PRELID2: variants seen among roughly 807,000 people sequenced by gnomAD.
The protein encoded by PRELID2 is PRELI domain containing 2, also known as PRELI domain-containing protein 2.
PRELID2 carries 25 observed loss-of-function variants against 28.4 expected under a neutral mutation model. That is an observed-to-expected ratio of 0.88 (90% CI 0.64 to 1.23). The LOEUF is 1.23. Ranked by LOEUF, PRELID2 falls within the 50% of genes most tolerant of loss-of-function variation. PRELID2 has a pLI of 0.00. For synonymous variants in PRELID2, 76 were observed against 71.6 expected (o/e 1.06, Z -0.31); for missense variants, 201 against 214.4 (o/e 0.94, Z 0.39).
the PRELID2 span, among the ~76,000 whole-genome samples, chr5:145,284,522 A>T: frequency 6.6e-6 from 1 of 152,028 alleles, no homozygotes; most frequent in South Asian, 2.1e-4. Flanking sequence ...CTATTATTTT[A>T]TTTAAAGGAA....
At chr5:145,283,641 A>C in the PRELID2 span, among the ~76,000 whole-genome samples, 1 of 152,216 alleles carries the variant, frequency 6.6e-6, no homozygotes, top group Non-Finnish European at 1.5e-5. Context: ...AGCAAAACTT[A>C]GAACAGTACA....
chr5:145,291,880 C>T, the PRELID2 span, among the ~76,000 whole-genome samples: 1 of 152,178 alleles, frequency 6.6e-6, no homozygotes, highest in Non-Finnish European at 1.5e-5. Flanking sequence ...ACTGAAATGA[C>T]TATCCTTTCT....
chr5:145,679,171 C>G (rs1042207980), intron 1 of PRELID2, among the ~76,000 whole-genome samples: 3 of 152,160 alleles, frequency 2.0e-5, no homozygotes, highest in African/African-American at 7.2e-5. Flanking sequence ...GATTGAAACT[C>G]TCTATCTTTG....
At chr5:145,741,247 TAATA>T (rs1352229573) in intron 1 of PRELID2, among the ~76,000 whole-genome samples, 1 of 112,330 alleles carries the variant, frequency 8.9e-6, no homozygotes, top group Non-Finnish European at 1.6e-5. Context: ...TATAAATATA[TAATA>T]TATAAATAAT....
chr5:145,242,092 C>T, the PRELID2 span, among the ~76,000 whole-genome samples: 1 of 151,576 alleles, frequency 6.6e-6, no homozygotes, highest in Non-Finnish European at 1.5e-5. Context: ...GTTCATTTTG[C>T]AAAAAATATT....
At chr5:145,835,082 A>G in intron 1 of PRELID2, 95 bp downstream of exon 1, 1 of 828,516 alleles carries the variant, frequency 1.2e-6, no homozygotes. Flanking sequence ...GGAAAGAGAC[A>G]CTGGCGGTGC....
At chr5:145,706,926 C>T (rs771139317) in intron 1 of PRELID2, among the ~76,000 whole-genome samples, 2 of 152,152 alleles carry the variant, frequency 1.3e-5, no homozygotes, top group Middle Eastern at 3.2e-3. Context: ...TTCCTAGGAC[C>T]TTGCATGCAA....
chr5:145,775,707 T>C (rs1211753012), intron 5 of PRELID2, among the ~76,000 whole-genome samples: 4 of 152,218 alleles, frequency 2.6e-5, no homozygotes, highest in Admixed American at 2.6e-4. Context: ...AAAGTCATCA[T>C]TTCTTGGGGA....
chr5:145,496,454 C>T (rs1752310708), intron 1 of PRELID2, among the ~76,000 whole-genome samples: 1 of 152,100 alleles, frequency 6.6e-6, no homozygotes, highest in Non-Finnish European at 1.5e-5. Context: ...CCTGGGAAAT[C>T]CAATACTTGG....
At chr5:145,395,574 T>C in the PRELID2 span, among the ~76,000 whole-genome samples, 11 of 152,170 alleles carry the variant, frequency 7.2e-5, no homozygotes, top group Non-Finnish European at 1.6e-4. Context: ...AGCCACTCCA[T>C]TTGCTTTCTA....
At chr5:145,662,621 TATGGATTAATGGGTTA>T (rs1326781242) in intron 1 of PRELID2, among the ~76,000 whole-genome samples, 26 of 152,218 alleles carry the variant, frequency 1.7e-4, no homozygotes, top group African/African-American at 4.8e-4. Context: ...TTAATTCACT[TATGGATTAATGGGTTA>T]ATGGATTAAT....
chr5:145,246,206 C>T, the PRELID2 span, among the ~76,000 whole-genome samples: 22 of 152,018 alleles, frequency 1.4e-4, no homozygotes, highest in South Asian at 4.6e-3. Flanking sequence ...AGACAATAAC[C>T]CCTACCGCCA....
intron 1 of PRELID2, among the ~76,000 whole-genome samples, chr5:145,616,616 A>T (rs1455426503): frequency 6.6e-6 from 1 of 152,170 alleles, no homozygotes; most frequent in Non-Finnish European, 1.5e-5. Context: ...GATTTTCAAA[A>T]GGGGAGGGAG....
intron 1 of PRELID2, among the ~76,000 whole-genome samples, chr5:145,522,117 G>A (rs1752567493): frequency 6.6e-6 from 1 of 152,024 alleles, no homozygotes. Flanking sequence ...TGTCATATTT[G>A]CTTCAAGTTT....
the PRELID2 span, among the ~76,000 whole-genome samples, chr5:145,313,194 CAAATT>C: frequency 6.6e-6 from 1 of 152,018 alleles, no homozygotes; most frequent in Non-Finnish European, 1.5e-5. Flanking sequence ...TATAAGGTAA[CAAATT>C]AATGCAGTTA....
chr5:145,282,505 G>C, the PRELID2 span, among the ~76,000 whole-genome samples: 2 of 151,442 alleles, frequency 1.3e-5, no homozygotes, highest in African/African-American at 4.9e-5. Flanking sequence ...TGACTTCTGA[G>C]ACAGCTCTTC....
chr5:145,449,558 C>A, the PRELID2 span, among the ~76,000 whole-genome samples: 1 of 152,120 alleles, frequency 6.6e-6, no homozygotes, highest in South Asian at 2.1e-4. Context: ...ACGTGGTGGG[C>A]CAAAATGCAA....
chr5:145,538,638 T>C (rs914075913), intron 1 of PRELID2, among the ~76,000 whole-genome samples: 22 of 151,972 alleles, frequency 1.4e-4, no homozygotes, highest in African/African-American at 5.1e-4. Flanking sequence ...CTGTCTGCCA[T>C]CAGTCATGAG....
the PRELID2 span, among the ~76,000 whole-genome samples, chr5:145,422,837 T>A: frequency 6.6e-6 from 1 of 152,168 alleles, no homozygotes; most frequent in African/African-American, 2.4e-5. Flanking sequence ...GTCTCGATGG[T>A]CTTTACATTT....
Sources: allele counts gnomAD v4.1 joint callset (sites outside exome capture counted in the v4.1 genomes callset), GRCh38; gene constraint gnomAD v4.1.1; transcripts MANE v1.5; gene names NCBI Gene and HGNC (gene_info 2026-07-23, HGNC 2026-07-21).